The following UNC93B1 variants were observed in gnomAD, a reference collection of about 807,000 sequenced individuals.
UNC93B1 encodes protein unc-93 homolog B1.
UNC93B1 carries 33 observed loss-of-function variants against 56.8 expected under a neutral mutation model. The observed-to-expected ratio is 0.58, with a 90% CI of 0.44 to 0.78. The LOEUF is 0.78. UNC93B1 is among the 30% of genes least tolerant of loss of function. The probability of loss-of-function intolerance (pLI) is 0.00; values close to 1 mark genes in which losing one functional copy is unlikely to be tolerated. For missense variants in UNC93B1, 673 were observed against 819.5 expected (o/e 0.82, Z 2.18); for synonymous variants, 334 against 358.6 (o/e 0.93, Z 0.77).
At chr11:67,994,036 C>T (rs995002278) in intron 9 of UNC93B1, among the ~76,000 whole-genome samples, 6 of 152,144 alleles carry the variant, frequency 3.9e-5, no homozygotes, top group South Asian at 2.1e-4. Context: ...TGCAGGTGTT[C>T]CCGCTCCGCA....
chr11:67,999,217 GCGCGTGGGAGCCCCGCGGAGGC>G lies in UNC93B1; in HGVS notation c.621_642del (p.Pro209IlefsTer15). ...ATGGCTTGGAAGACCAGGAGATAGG[GCGCGTGGGAGCCCCGCGGAGGC>G]CGCTGCTTCATCCCCTGCCCATCCT... On this transcript the variant is annotated frameshift_variant, in exon 5 of 11. Coordinates refer to ENST00000227471, the MANE Select transcript of UNC93B1 (RefSeq NM_030930.4). LOFTEE classifies it high-confidence loss of function. 1.2e-6 allele frequency: 2 copies of G among 1,613,376 alleles called. No individual in the cohort carries two copies. The highest frequency in any genetic ancestry group is 1.7e-6 in the Non-Finnish European group (2 of 1,179,866).
In UNC93B1 at chr11:67,991,684, C is replaced by T. The variant is rs1856845165; in HGVS notation, c.1656G>A (p.Ala552=). ...LEEDNSDESD[A]EGEHGDGAEE... Reference sequence around the variant, plus strand: ...CCGCGCCGTCCCCATGCTCGCCCTCCGCGTCGCTCTCGTCCGAGTTGTCCT... The same window carrying T: ...CCGCGCCGTCCCCATGCTCGCCCTCTGCGTCGCTCTCGTCCGAGTTGTCCT... The change falls in exon 11 of 11, where the codon GCG becomes GCA. Residue 552 remains alanine, a synonymous_variant. Coordinates refer to ENST00000227471, the MANE Select transcript of UNC93B1 (RefSeq NM_030930.4). The T allele has an allele frequency of 6.5e-7, 1 of 1,531,770 alleles. No homozygotes were observed. The highest frequency in any genetic ancestry group is 1.2e-5 in the South Asian group (1 of 83,896). The allele number at this position is 1,531,770 out of a possible 1,614,324, so 94.9% of individuals were successfully genotyped here. A position where few individuals can be genotyped will look rare whatever the true frequency, so the allele number is the denominator to read the frequency against.
rs746384621 is a variant in UNC93B1 at position 68,003,898 on chromosome 11, C to A, written c.96+50G>T. ...GCCCGCCCCGCCCCCGCCGGGGGGACCCTGGCCCACAGGGGACGCCCGCGC... is the reference window on the plus strand; with the variant it reads ...GCCCGCCCCGCCCCCGCCGGGGGGAACCTGGCCCACAGGGGACGCCCGCGC... On this transcript the variant is annotated intron_variant, in intron 1 of 10. Transcript: ENST00000227471. This position sits in a 1 kb window ranked among gnomAD's most constrained non-coding sequence, Gnocchi z 4.4. 1.7e-5 allele frequency: 22 copies of A among 1,315,136 alleles called. No individual in the cohort carries two copies. The South Asian group carries it at 3.8e-4, about 23-fold the overall frequency. The allele number at this position is 1,315,136 out of a possible 1,614,324, so 81.5% of individuals were successfully genotyped here.
At chr11:68,000,705 A>T (rs6591325) in intron 3 of UNC93B1, among the ~76,000 whole-genome samples, 2,705 of 152,258 alleles carry the variant, frequency 0.018, 60 homozygotes, top group South Asian at 0.063. Context: ...ACACTGGCAT[A>T]ACCCTTTGGG....
intron 8 of UNC93B1, 26 bp from the exon 9 acceptor site, chr11:67,995,910 T>TG: frequency 6.8e-7 from 1 of 1,469,378 alleles, no homozygotes; most frequent in Non-Finnish European, 9.0e-7. Context: ...GGGTGAGTGT[T>TG]GAAGTCTGGA....
intron 3 of UNC93B1, among the ~76,000 whole-genome samples, chr11:67,999,881 T>TAA: frequency 6.6e-6 from 1 of 152,346 alleles, no homozygotes; most frequent in Admixed American, 6.5e-5. Flanking sequence ...TTCCCAGCTG[T>TAA]AATATGGGCA....
At chr11:67,998,296 A>G in intron 6 of UNC93B1, 63 bp downstream of exon 6, 1 of 1,577,992 alleles carries the variant, frequency 6.3e-7, no homozygotes, top group Non-Finnish European at 8.7e-7. Context: ...GTGAGGGCCC[A>G]GTGTCTGCTG....
chr11:68,002,596 G>A (rs982315946), intron 3 of UNC93B1, among the ~76,000 whole-genome samples: 2 of 152,178 alleles, frequency 1.3e-5, no homozygotes, highest in African/African-American at 4.8e-5. Flanking sequence ...AGCCATGCCT[G>A]TCTGTGAGAA....
At chr11:67,995,422 A>G (rs1437699047) in intron 9 of UNC93B1, among the ~76,000 whole-genome samples, 189 bp downstream of exon 9, 6 of 151,764 alleles carry the variant, frequency 4.0e-5, no homozygotes, top group Admixed American at 3.9e-4. Context: ...GTGTGTCCAT[A>G]AGACTTCCCT....
Position 68,003,725 on chromosome 11 carries a change from C to A in UNC93B1, c.170G>T (p.Arg57Leu). The stretch of plus-strand genomic sequence containing the variant: ...CAGCACGTTCTTGAGCACGCCCAGG[C>A]GCTTGCGGCGGTAGTAGCGGCGCTC... ...EEERRYYRRK[R>L]LGVLKNVLAA... Residue 57 changes from arginine (R) to leucine (L), a missense_variant, in exon 2 of 11, where the codon CGC (arginine) becomes CTC (leucine). Transcript: ENST00000227471. This position sits in a 1 kb window ranked among gnomAD's most constrained non-coding sequence, Gnocchi z 4.4. 6.5e-7 allele frequency: 1 copy of A among 1,527,248 alleles called. No homozygotes were observed. The highest frequency in any genetic ancestry group is 8.8e-7 in the Non-Finnish European group (1 of 1,142,754). The allele number at this position is 1,527,248 out of a possible 1,614,324, so 94.6% of individuals were successfully genotyped here.
chr11:67,998,565 A>C, intron 5 of UNC93B1, 113 bp from the exon 6 acceptor site: 1 of 1,031,660 alleles, frequency 9.7e-7, no homozygotes, highest in Non-Finnish European at 1.5e-6. Context: ...GGGCCTTCCC[A>C]GTTCTGGGAG....
intron 10 of UNC93B1, among the ~76,000 whole-genome samples, chr11:67,992,319 C>T (rs1856858233): frequency 6.6e-6 from 1 of 152,182 alleles, no homozygotes; most frequent in African/African-American, 2.4e-5. Context: ...ATACTTCCTG[C>T]TCTTTTCTTT....
chr11:67,999,603 C>A lies in UNC93B1; in HGVS notation c.470G>T (p.Arg157Leu). ...ALFVSTNYWE[R>L]YYTLVPSAVA... The stretch of plus-strand genomic sequence containing the variant: ...AGCCGAGGGCACAAGCGTGTAGTAG[C>A]GCTCCCAGTAGTTGGTGGAGACAAA... Residue 157 changes from arginine (R) to leucine (L), a missense_variant, in exon 4 of 11, where the codon CGC (arginine) becomes CTC (leucine). By Grantham distance (102) the Arg-to-Leu change is moderately radical. Transcript: ENST00000227471. The A allele has an allele frequency of 6.2e-7, 1 of 1,606,872 alleles. No homozygotes were observed. The highest frequency in any genetic ancestry group is 8.5e-7 in the Non-Finnish European group (1 of 1,176,876).
rs1442000007 is a variant in UNC93B1, at chr11:67,996,768, C to T, written c.923G>A (p.Gly308Glu). ...CTCCTCCGTGGGCCGGTAAGCGGCT[C>T]CGCACAAACCCAGCACCTGCGAACC... is the stretch of plus-strand genomic sequence containing the variant. ...LAMLLVLGLC[G>E]AAYRPTEEID... The change falls in exon 8 of 11, where the codon GGA becomes GAA. Residue 308 changes from glycine to glutamate, a missense_variant. Gly to Glu is a moderately conservative substitution (Grantham distance 98). Around this residue, in one of 3 missense-constraint regions of UNC93B1, gnomAD observed 438 missense variants for 465.9 expected, o/e 0.94. Coordinates refer to ENST00000227471, the MANE Select transcript of UNC93B1 (RefSeq NM_030930.4). The T allele has an allele frequency of 6.4e-7, 1 of 1,558,858 alleles. No homozygotes were observed. The highest frequency in any genetic ancestry group is 1.2e-5 in the South Asian group (1 of 84,802).
intron 10 of UNC93B1, among the ~76,000 whole-genome samples, chr11:67,992,652 C>CT (rs551140497): frequency 0.46 from 61,906 of 134,094 alleles, 14,612 homozygotes; most frequent in African/African-American, 0.6. Context: ...CACTGCTTTT[C>CT]TTTTTTTTTT....
At chr11:67,993,517 G>C (rs1856883294) in intron 10 of UNC93B1, among the ~76,000 whole-genome samples, 159 bp downstream of exon 10, 1 of 152,246 alleles carries the variant, frequency 6.6e-6, no homozygotes, top group South Asian at 2.1e-4. Context: ...CAGTAAGTGG[G>C]GTGCTGAGTT....
At position 67,991,747 on chromosome 11, in the gene UNC93B1, C is replaced by A; in HGVS notation, c.1593G>T (p.Arg531=). ...GVAPRQPRIP[R]PQHKVRGYRY... Reference sequence around the variant, plus strand: ...GGTAACCGCGCACCTTGTGCTGGGGCCGCGGGATGCGGGGCTGGCGCGGGG... The same window carrying A: ...GGTAACCGCGCACCTTGTGCTGGGGACGCGGGATGCGGGGCTGGCGCGGGG... The change falls in exon 11 of 11, where the codon CGG becomes CGT. Residue 531 remains arginine (R), a synonymous_variant. Transcript: ENST00000227471. 6.5e-7 allele frequency: 1 copy of A among 1,539,128 alleles called. No individual in the cohort carries two copies.
intron 7 of UNC93B1, 45 bp downstream of exon 7, chr11:67,997,630 C>T (rs566022186): frequency 1.3e-6 from 2 of 1,596,892 alleles, no homozygotes; most frequent in Non-Finnish European, 1.7e-6. Context: ...TCCCCAGAAC[C>T]ACACTCTGCT....
rs1451840915 is a variant in UNC93B1, at chr11:67,991,784, C to A, written c.1556G>T (p.Arg519Leu). Residue 519 changes from arginine to leucine, a missense_variant, in exon 11 of 11, where the codon CGC (arginine) becomes CTC (leucine). Around this residue, in one of 3 missense-constraint regions of UNC93B1, gnomAD observed 155 missense variants for 268.3 expected, o/e 0.58. Coordinates refer to ENST00000227471, the MANE Select transcript of UNC93B1 (RefSeq NM_030930.4). ...GGGCTGGCGCGGGGCCACGCCCCGG[C>A]GCAGCTTCTGCTCCATCCGCAGGTA... ...VSYLRMEQKL[R>L]RGVAPRQPRI... is the part of the protein sequence containing the mutation. 21 of 1,541,326 alleles carry A rather than the reference C, an allele frequency of 1.4e-5. No individual in the cohort carries two copies. Among genetic ancestry groups the A allele is most frequent in the Non-Finnish European group, 1.7e-5 (20 of 1,151,352 alleles).
Sources: gnomAD v4.1 joint callset for allele counts (sites outside exome capture counted in the v4.1 genomes callset) on GRCh38, gnomAD v4.1.1 for gene constraint, gnomAD v4.1.1 regional missense constraint, Gnocchi (gnomAD v3.1) non-coding constraint, MANE v1.5 for transcripts, NCBI Gene and HGNC (gene_info 2026-07-23, HGNC 2026-07-21) for gene names.